Variants in ANO4 observed in about 807,000 individuals in gnomAD.
ANO4 encodes the protein anoctamin-4.
Under a neutral mutation model 141.9 loss-of-function variants are expected in ANO4, and 69 were observed. The observed-to-expected ratio is 0.49, with a 90% CI of 0.40 to 0.59. The LOEUF is 0.59. ANO4 is among the 20% of genes least tolerant of loss of function. The probability of loss-of-function intolerance (pLI) is 0.00; values close to 1 mark genes in which losing one functional copy is unlikely to be tolerated. For synonymous variants in ANO4, 350 were observed against 394.3 expected, an observed-to-expected ratio of 0.89 and a Z score of 1.33; for missense variants, 894 against 1,162.2, an observed-to-expected ratio of 0.77 and a Z score of 3.36.
intron 14 of ANO4, among the ~76,000 whole-genome samples, chr12:101,053,542 T>G (rs2047962085): frequency 6.6e-6 from 1 of 152,178 alleles, no homozygotes; most frequent in Non-Finnish European, 1.5e-5. Flanking sequence ...TGGTGATGGC[T>G]GATGGTCCTT....
chr12:100,717,487 G>A (rs1207395406), upstream of ANO4: 2 of 398,496 alleles, frequency 5.0e-6, no homozygotes, highest in East Asian at 7.1e-5. Flanking sequence ...GGCCGCTCTA[G>A]CCGACGCCCT....
intron 6 of ANO4, 71 bp downstream of exon 6, chr12:100,971,477 A>G: frequency 9.0e-7 from 1 of 1,112,596 alleles, no homozygotes; most frequent in Middle Eastern, 2.1e-4. Context: ...CCTCTCTCAG[A>G]ACAAATAAAA....
intron 5 of ANO4, among the ~76,000 whole-genome samples, chr12:100,967,778 A>T (rs574339704): frequency 6.6e-6 from 1 of 152,354 alleles, no homozygotes; most frequent in South Asian, 2.1e-4. Context: ...TTTCTAAAAT[A>T]TGAAATTCTT....
At chr12:100,996,428 T>C (rs2045371626) in intron 8 of ANO4, among the ~76,000 whole-genome samples, 1 of 152,234 alleles carries the variant, frequency 6.6e-6, no homozygotes, top group Non-Finnish European at 1.5e-5. Flanking sequence ...CTCATGCCTG[T>C]AATCCCAGCA....
At chr12:100,988,204 G>A (rs2044812799) in intron 8 of ANO4, among the ~76,000 whole-genome samples, 1 of 152,164 alleles carries the variant, frequency 6.6e-6, no homozygotes. Flanking sequence ...TCTCAGAATG[G>A]TTATTTGTCA....
chr12:100,859,901 C>T (rs892861246), intron 1 of ANO4, among the ~76,000 whole-genome samples: 1 of 151,916 alleles, frequency 6.6e-6, no homozygotes, highest in Non-Finnish European at 1.5e-5. Context: ...ATATCTGTAC[C>T]AAATATTCAG....
intron 5 of ANO4, among the ~76,000 whole-genome samples, chr12:100,947,737 A>G (rs888176583): frequency 2.0e-5 from 3 of 152,196 alleles, no homozygotes; most frequent in Non-Finnish European, 2.9e-5. Flanking sequence ...ACTTACTATT[A>G]TAATTTCCAT....
intron 2 of ANO4, among the ~76,000 whole-genome samples, chr12:100,911,409 C>G (rs1209877166): frequency 6.6e-6 from 1 of 152,078 alleles, no homozygotes; most frequent in East Asian, 1.9e-4. Flanking sequence ...AATTAAAAGC[C>G]CTGCAGTAGC....
At chr12:100,997,631 A>G (rs1334038202) in intron 8 of ANO4, among the ~76,000 whole-genome samples, 3 of 152,152 alleles carry the variant, frequency 2.0e-5, no homozygotes, top group Non-Finnish European at 2.9e-5. Context: ...TCAGTGGCCT[A>G]TGTATCTGTA....
intron 17 of ANO4, among the ~76,000 whole-genome samples, chr12:101,089,484 C>T (rs766287013): frequency 6.6e-6 from 1 of 152,046 alleles, no homozygotes; most frequent in Non-Finnish European, 1.5e-5. Context: ...CACCAGGACT[C>T]GGTCTGTGTT....
chr12:100,768,247 T>C (rs1397811526), intron 3 of ANO4, among the ~76,000 whole-genome samples: 2 of 152,148 alleles, frequency 1.3e-5, no homozygotes, highest in Non-Finnish European at 2.9e-5. Context: ...CCCACTTCCT[T>C]TTTCTTCCAC....
At chr12:100,832,478 A>G (rs2036682112) in intron 1 of ANO4, among the ~76,000 whole-genome samples, 1 of 152,066 alleles carries the variant, frequency 6.6e-6, no homozygotes, top group South Asian at 2.1e-4. Context: ...CAACACCCCA[A>G]TCCACCTAGA....
intron 14 of ANO4, among the ~76,000 whole-genome samples, chr12:101,060,133 A>G (rs1007455419): frequency 6.6e-6 from 1 of 152,138 alleles, no homozygotes; most frequent in African/African-American, 2.4e-5. Context: ...TAATTTCGTT[A>G]TTTACCCAGT....
rs547410893 is a variant in ANO4, at chr12:101,128,090, A to G, written c.*234A>G. ...ATCTATCCATAGACCATTCTTGACC[A>G]AGCAAGCATGCACATTATGGGCAGT... On this transcript the variant is annotated 3_prime_UTR_variant, in exon 28 of 28. Coordinates refer to ENST00000392977, the MANE Select transcript of ANO4 (RefSeq NM_001286615.2). 1 of 152,764 alleles carries G rather than the reference A, an allele frequency of 6.5e-6. No homozygotes were observed. The highest frequency in any genetic ancestry group is 1.5e-5 in the Non-Finnish European group (1 of 68,030). 9.5% of individuals were successfully genotyped at this position (152,764 alleles called of 1,614,324 possible). A position where few individuals can be genotyped will look rare whatever the true frequency, so the allele number is the denominator to read the frequency against.
At chr12:100,947,032 G>T (rs2042754568) in intron 5 of ANO4, among the ~76,000 whole-genome samples, 1 of 152,146 alleles carries the variant, frequency 6.6e-6, no homozygotes, top group African/African-American at 2.4e-5. Context: ...AGGGGTGAAA[G>T]CTTCATTAAA....
At chr12:101,069,189 G>C (rs2048712308) in intron 14 of ANO4, 5 of 1,276,634 alleles carry the variant, frequency 3.9e-6, no homozygotes, top group Non-Finnish European at 5.7e-6. Flanking sequence ...GCGAGGAACA[G>C]TGTCTCCCTT....
intron 3 of ANO4, among the ~76,000 whole-genome samples, chr12:100,788,312 G>A (rs887588678): frequency 7.9e-5 from 12 of 152,072 alleles, no homozygotes; most frequent in Non-Finnish European, 1.5e-4. Flanking sequence ...ATGTGAAATG[G>A]GATCTATTGA....
At chr12:100,830,267 G>T (rs184572915) in intron 1 of ANO4, among the ~76,000 whole-genome samples, 5 of 151,976 alleles carry the variant, frequency 3.3e-5, no homozygotes, top group Admixed American at 2.0e-4. Flanking sequence ...TAAGGGGCCC[G>T]AGATGCTGTA....
chr12:101,045,642 A>G (rs2047588630), intron 13 of ANO4, among the ~76,000 whole-genome samples: 2 of 152,118 alleles, frequency 1.3e-5, no homozygotes, highest in Non-Finnish European at 2.9e-5. Flanking sequence ...AGAATCAGAA[A>G]CCCAACTCCT....
Sources: gnomAD v4.1 joint callset for allele counts (sites outside exome capture counted in the v4.1 genomes callset) on GRCh38, gnomAD v4.1.1 for gene constraint, MANE v1.5 for transcripts, NCBI Gene and HGNC (gene_info 2026-07-23, HGNC 2026-07-21) for gene names.